Variants in TMCO6 observed in about 807,000 individuals in gnomAD.
TMCO6 encodes the protein transmembrane and coiled-coil domains 6.
A neutral mutation model predicts 61.8 loss-of-function variants in TMCO6; 47 were observed. The observed-to-expected ratio is 0.76, with a 90% confidence interval of 0.60 to 0.97. The LOEUF is 0.97. Ranked by LOEUF, TMCO6 falls within the 50% of genes least tolerant of loss-of-function variation. TMCO6 has a pLI of 0.00. For synonymous variants in TMCO6, 261 were observed against 254.2 expected, an observed-to-expected ratio of 1.03 and a Z score of -0.25; for missense variants, 557 against 601.6, an observed-to-expected ratio of 0.93 and a Z score of 0.78.
At chr5:140,646,725 C>T (rs1472984099), downstream of TMCO6, among the ~76,000 whole-genome samples, 1 of 152,168 alleles carries the variant, frequency 6.6e-6, no homozygotes, top group Non-Finnish European at 1.5e-5. Flanking sequence ...AAGGCTCAAT[C>T]CTGTTAAACT....
At position 140,643,947 on chromosome 5, in the gene TMCO6, G is replaced by A; in HGVS notation, c.1086G>A (p.Trp362Ter). Residue 362 changes from tryptophan (W) to a stop codon, truncating the protein, a stop_gained, in exon 9 of 12, where the codon TGG becomes TGA. Coordinates refer to ENST00000394671, the MANE Select transcript of TMCO6 (RefSeq NM_018502.5). LOFTEE classifies it high-confidence loss of function. Reference protein sequence around the residue: ...KQPSLLPEGLWLLNNLTANSP... With the variant: ...KQPSLLPEGL ...CCAGTCTGCTCCCTGAGGGCCTTTGGCTCCTCAACAACCTCACTGGTACGC... is the reference window on the plus strand; with the variant it reads ...CCAGTCTGCTCCCTGAGGGCCTTTGACTCCTCAACAACCTCACTGGTACGC... 6.2e-7 allele frequency: 1 copy of A among 1,614,160 alleles called. No homozygotes were observed. The highest frequency in any genetic ancestry group is 8.5e-7 in the Non-Finnish European group (1 of 1,180,022).
chr5:140,623,926 C>T, the TMCO6 span, among the ~76,000 whole-genome samples: 1 of 152,126 alleles, frequency 6.6e-6, no homozygotes, highest in Non-Finnish European at 1.5e-5. Flanking sequence ...ATCCTGTGAG[C>T]TCTGTCTTCA....
chr5:140,637,631 G>A (rs1256012674), upstream of TMCO6, among the ~76,000 whole-genome samples: 4 of 152,026 alleles, frequency 2.6e-5, no homozygotes, highest in Non-Finnish European at 4.4e-5. Flanking sequence ...CCTCTCTACC[G>A]TTAACATCAA....
At chr5:140,626,302 A>AG in the TMCO6 span, among the ~76,000 whole-genome samples, 1 of 151,536 alleles carries the variant, frequency 6.6e-6, no homozygotes, top group Admixed American at 6.6e-5. Flanking sequence ...ATTAATGTCA[A>AG]ACCCAATTCT....
In TMCO6 at chr5:140,641,692, C is replaced by G; in HGVS notation, c.226C>G (p.Arg76Gly). ...EVQQFLRQAQRGTEEKEREGA... is the reference protein window; with the variant it reads ...EVQQFLRQAQGGTEEKEREGA... ...GCAGCAGTTCCTGCGGCAAGCCCAG[C>G]GGGGGACAGAGGAAAAGGAGAGAGA... Residue 76 changes from arginine to glycine, a missense_variant, in exon 3 of 12, where the codon CGG (arginine) becomes GGG (glycine). Coordinates refer to ENST00000394671, the MANE Select transcript of TMCO6 (RefSeq NM_018502.5). The G allele has an allele frequency of 6.2e-7, 1 of 1,614,036 alleles. No homozygotes were observed. Among genetic ancestry groups the G allele is most frequent in the Non-Finnish European group, 8.5e-7 (1 of 1,179,994 alleles).
At chr5:140,632,061 C>T in the TMCO6 span, 3 of 1,614,230 alleles carry the variant, frequency 1.9e-6, no homozygotes, top group Admixed American at 3.3e-5. The surrounding 1 kb of genome is among the most constrained non-coding windows in gnomAD (Gnocchi z 6.2). Flanking sequence ...CCTGTTCAGT[C>T]TGTTGCAGCT....
At chr5:140,643,995 A>G in intron 9 of TMCO6, 29 bp downstream of exon 9, 1 of 1,613,696 alleles carries the variant, frequency 6.2e-7, no homozygotes, top group Non-Finnish European at 8.5e-7. Flanking sequence ...CCAGGCCTGG[A>G]CATTTGGATA....
the TMCO6 span, chr5:140,632,699 T>C: frequency 1.9e-6 from 3 of 1,613,708 alleles, no homozygotes; most frequent in South Asian, 2.2e-5. The surrounding 1 kb of genome is among the most constrained non-coding windows in gnomAD (Gnocchi z 6.2). Flanking sequence ...CGGCTCCCAC[T>C]GTGAGCCGCC....
At chr5:140,605,228 T>C in the TMCO6 span, among the ~76,000 whole-genome samples, 1 of 152,222 alleles carries the variant, frequency 6.6e-6, no homozygotes, top group Non-Finnish European at 1.5e-5. Context: ...AATAGTTTTT[T>C]TGTGAATTCT....
the TMCO6 span, among the ~76,000 whole-genome samples, chr5:140,630,240 C>T: frequency 5.3e-5 from 8 of 152,046 alleles, no homozygotes; most frequent in Non-Finnish European, 8.8e-5. Flanking sequence ...GATCCGCCCA[C>T]CTCAGCCTCC....
chr5:140,631,768 T>A, the TMCO6 span: 1 of 1,253,574 alleles, frequency 8.0e-7, no homozygotes, highest in Non-Finnish European at 1.1e-6. Flanking sequence ...GGGCAAAGGG[T>A]TGAATTGGTC....
the TMCO6 span, among the ~76,000 whole-genome samples, chr5:140,602,715 C>T: frequency 7.1e-4 from 108 of 151,874 alleles, no homozygotes; most frequent in East Asian, 0.017. Flanking sequence ...GGTGAGCCAA[C>T]ATCATGCCAC....
chr5:140,641,984 T>G lies in TMCO6; in HGVS notation c.429T>G (p.Val143=). 1.2e-6 allele frequency: 2 copies of G among 1,613,614 alleles called. No individual in the cohort carries two copies. Among genetic ancestry groups the G allele is most frequent in the Non-Finnish European group, 1.7e-6 (2 of 1,179,496 alleles). ...TCTCTCACTCCGAGCAGTCCACTGT[T>G]GCTGAGGCCTGCCTGCCAGCCACTT... The part of the protein sequence containing the change: ...HELSHSEQST[V]AEACLPATSY... Residue 143 remains valine, a synonymous_variant, in exon 4 of 12, where the codon GTT becomes GTG. Coordinates refer to ENST00000394671, the MANE Select transcript of TMCO6 (RefSeq NM_018502.5).
At chr5:140,633,173 T>G in the TMCO6 span, 5 of 1,463,610 alleles carry the variant, frequency 3.4e-6, no homozygotes, top group Non-Finnish European at 4.7e-6. Flanking sequence ...GCTTCACACT[T>G]GTGAACTCTT....
In TMCO6 at chr5:140,641,767, C is replaced by A. The variant is rs1316276868; in HGVS notation, c.301C>A (p.Gln101Lys). The A allele has an allele frequency of 6.2e-7, 1 of 1,614,232 alleles. No individual in the cohort carries two copies. Among genetic ancestry groups the A allele is most frequent in the Admixed American group, 1.7e-5 (1 of 60,028 alleles). The change falls in exon 3 of 12, where the codon CAA becomes AAA. Residue 101 changes from glutamine (Q) to lysine (K), a missense_variant. Coordinates refer to ENST00000394671, the MANE Select transcript of TMCO6 (RefSeq NM_018502.5). The stretch of plus-strand genomic sequence containing the variant: ...AGGCTTGCAGCACCCTGAAACACAG[C>A]AAACCTTCATCCGGTCAGTGTGGAT... ...RRGLQHPETQ[Q>K]TFIRLEGSMR...
At chr5:140,616,804 G>A in the TMCO6 span, among the ~76,000 whole-genome samples, 189 of 152,188 alleles carry the variant, frequency 1.2e-3, 2 homozygotes, top group East Asian at 0.034. Flanking sequence ...ACAGCACTTT[G>A]GGAGGCCAAG....
chr5:140,632,722 C>T, the TMCO6 span: 1 of 1,613,686 alleles, frequency 6.2e-7, no homozygotes, highest in Non-Finnish European at 8.5e-7. This position sits in a 1 kb window ranked among gnomAD's most constrained non-coding sequence, Gnocchi z 6.2. Flanking sequence ...ACGCGGAGAG[C>T]CTTGACCGTG....
In TMCO6 at chr5:140,643,396, C is replaced by T. The variant is rs550686964; in HGVS notation, c.807-168C>T. 1.3e-4 allele frequency: 88 copies of T among 701,834 alleles called. No individual in the cohort carries two copies. In the South Asian group the frequency reaches 1.4e-3, roughly 11 times the overall value. The allele number at this position is 701,834 out of a possible 1,614,324, so 43.5% of individuals were successfully genotyped here. The stretch of plus-strand genomic sequence containing the variant: ...ATTTCTAATAGAGACGGAGTTTCGC[C>T]ATGTTGGCCAGGCTGGTCTCAAACT... On this transcript the variant is annotated intron_variant, in intron 7 of 11. Coordinates refer to ENST00000394671, the MANE Select transcript of TMCO6 (RefSeq NM_018502.5).
chr5:140,631,906 C>T, the TMCO6 span: 8 of 1,596,896 alleles, frequency 5.0e-6, no homozygotes, highest in Non-Finnish European at 6.9e-6. Context: ...CCCGACACCC[C>T]CACCGACAGG....
Sources: allele counts gnomAD v4.1 joint callset (sites outside exome capture counted in the v4.1 genomes callset), GRCh38; gene constraint gnomAD v4.1.1; non-coding constraint Gnocchi (gnomAD v3.1); transcripts MANE v1.5; gene names NCBI Gene and HGNC (gene_info 2026-07-23, HGNC 2026-07-21).